BCKDHB: variants seen among roughly 807,000 people sequenced by gnomAD.
BCKDHB encodes the protein branched chain keto acid dehydrogenase E1 subunit beta, also known as 2-oxoisovalerate dehydrogenase subunit beta, mitochondrial.
BCKDHB carries 41 observed loss-of-function variants against 48.5 expected under a neutral mutation model. That is an observed-to-expected ratio of 0.85 (90% CI 0.66 to 1.10). The LOEUF is 1.10. Among genes scored for constraint, BCKDHB ranks in the 50% least tolerant of loss-of-function variants. The probability of loss-of-function intolerance (pLI) is 0.00; values close to 1 mark genes in which losing one functional copy is unlikely to be tolerated. For missense variants in BCKDHB, 496 were observed against 494.2 expected (o/e 1.00, Z -0.03); for synonymous variants, 201 against 174.8 (o/e 1.15, Z -1.18).
chr6:80,283,854 A>G (rs1766493522), intron 9 of BCKDHB, among the ~76,000 whole-genome samples: 1 of 152,128 alleles, frequency 6.6e-6, no homozygotes, highest in Admixed American at 6.5e-5. Context: ...TTAAAATTTT[A>G]TACATGAAAG....
the BCKDHB span, among the ~76,000 whole-genome samples, chr6:80,442,178 T>A: frequency 6.6e-6 from 1 of 152,260 alleles, no homozygotes; most frequent in African/African-American, 2.4e-5. Context: ...TGACAGTTAG[T>A]GTTCGTAATG....
At chr6:80,254,071 C>T (rs1484966321) in intron 8 of BCKDHB, among the ~76,000 whole-genome samples, 2 of 151,842 alleles carry the variant, frequency 1.3e-5, no homozygotes, top group East Asian at 3.9e-4. Flanking sequence ...GAGGCATGTG[C>T]AATGTGCCTC....
At chr6:80,178,918 A>G (rs1773288767) in intron 6 of BCKDHB, among the ~76,000 whole-genome samples, 1 of 152,182 alleles carries the variant, frequency 6.6e-6, no homozygotes, top group South Asian at 2.1e-4. Flanking sequence ...CCTAATTATT[A>G]TTGAATGGAG....
chr6:80,227,192 G>A (rs184902366), intron 8 of BCKDHB, among the ~76,000 whole-genome samples: 1 of 152,210 alleles, frequency 6.6e-6, no homozygotes, highest in Non-Finnish European at 1.5e-5. Flanking sequence ...AATAAAAGAT[G>A]TAAGTCGTGT....
intron 3 of BCKDHB, among the ~76,000 whole-genome samples, chr6:80,163,459 G>A (rs1772422409): frequency 6.6e-6 from 1 of 151,924 alleles, no homozygotes; most frequent in Admixed American, 6.6e-5. Context: ...TTCCTTTTGG[G>A]ACAACACATT....
chr6:80,137,690 T>C (rs557799875), intron 3 of BCKDHB, among the ~76,000 whole-genome samples: 5 of 152,254 alleles, frequency 3.3e-5, no homozygotes, highest in African/African-American at 9.6e-5. Context: ...TTGTCATACC[T>C]TGGGGGGTAC....
chr6:80,106,933 T>G, intron 1 of BCKDHB, 44 bp downstream of exon 1: 1 of 1,569,094 alleles, frequency 6.4e-7, no homozygotes, highest in Non-Finnish European at 8.6e-7. Flanking sequence ...CAGCCCGGAC[T>G]CCCAGGCTCG....
chr6:80,167,124 T>C (rs1772615302), intron 3 of BCKDHB, among the ~76,000 whole-genome samples: 1 of 152,208 alleles, frequency 6.6e-6, no homozygotes, highest in African/African-American at 2.4e-5. Flanking sequence ...TTTAACAGTA[T>C]GCGTTTTCCC....
intron 6 of BCKDHB, among the ~76,000 whole-genome samples, chr6:80,181,914 A>C (rs1034754611): frequency 6.6e-6 from 1 of 152,230 alleles, no homozygotes; most frequent in African/African-American, 2.4e-5. Flanking sequence ...TGAAAAGTAC[A>C]AACAAAGATA....
intron 8 of BCKDHB, among the ~76,000 whole-genome samples, chr6:80,242,568 TACAC>T (rs141146473): frequency 9.3e-5 from 14 of 150,722 alleles, no homozygotes; most frequent in East Asian, 1.9e-4. Context: ...CATACACATG[TACAC>T]ACACACACAC....
At chr6:80,258,845 T>A (rs1304517584) in intron 8 of BCKDHB, among the ~76,000 whole-genome samples, 1 of 152,218 alleles carries the variant, frequency 6.6e-6, no homozygotes, top group Non-Finnish European at 1.5e-5. Flanking sequence ...GTTTTCACCT[T>A]TACACTATAA....
intron 6 of BCKDHB, among the ~76,000 whole-genome samples, chr6:80,193,447 G>A (rs1303033101): frequency 6.6e-6 from 1 of 151,960 alleles, no homozygotes; most frequent in Non-Finnish European, 1.5e-5. Flanking sequence ...GGCCAGGCGT[G>A]ATGGCTCACG....
At chr6:80,188,621 T>C (rs770151799) in intron 6 of BCKDHB, among the ~76,000 whole-genome samples, 1 of 151,920 alleles carries the variant, frequency 6.6e-6, no homozygotes, top group Non-Finnish European at 1.5e-5. Flanking sequence ...GCCTGGGCGA[T>C]AGGGTGACAC....
chr6:80,268,372 G>T (rs1777601385), intron 8 of BCKDHB, among the ~76,000 whole-genome samples: 1 of 152,024 alleles, frequency 6.6e-6, no homozygotes, highest in African/African-American at 2.4e-5. Context: ...TTATATGTAT[G>T]CATTACATAT....
chr6:80,448,842 A>G, the BCKDHB span, among the ~76,000 whole-genome samples: 1 of 152,156 alleles, frequency 6.6e-6, no homozygotes, highest in Admixed American at 6.5e-5. Context: ...TACTATGCTC[A>G]TTACCTGCAT....
chr6:80,428,738 T>G, the BCKDHB span, among the ~76,000 whole-genome samples: 9 of 152,196 alleles, frequency 5.9e-5, no homozygotes, highest in Admixed American at 3.9e-4. Flanking sequence ...TTCTTGTAAA[T>G]TTGTTTAAGT....
chr6:80,327,922 TC>T (rs1478784109), intron 9 of BCKDHB, among the ~76,000 whole-genome samples: 2 of 81,336 alleles, frequency 2.5e-5, no homozygotes, highest in Non-Finnish European at 4.6e-5. Context: ...CCTTCTCCCC[TC>T]CCCTCCCTCC....
intron 8 of BCKDHB, among the ~76,000 whole-genome samples, chr6:80,259,580 A>G (rs1463227148): frequency 6.6e-6 from 1 of 152,184 alleles, no homozygotes; most frequent in African/African-American, 2.4e-5. Flanking sequence ...GATGTGAGAA[A>G]TGGTCATTTT....
At chr6:80,432,029 C>A in the BCKDHB span, among the ~76,000 whole-genome samples, 1 of 151,700 alleles carries the variant, frequency 6.6e-6, no homozygotes, top group African/African-American at 2.4e-5. Flanking sequence ...CCCCCATGCT[C>A]TTCTGGCTTG....
Sources: allele counts gnomAD v4.1 joint callset (sites outside exome capture counted in the v4.1 genomes callset), GRCh38; gene constraint gnomAD v4.1.1; transcripts MANE v1.5; gene names NCBI Gene and HGNC (gene_info 2026-07-23, HGNC 2026-07-21).